Variants in CRAMP1 observed in about 807,000 individuals in gnomAD.
CRAMP1 encodes the protein cramped chromatin regulator 1, also known as protein cramped-like.
In CRAMP1, 50 loss-of-function variants were observed where a neutral mutation model predicts 115.4. The ratio of observed to expected loss-of-function variants is 0.43; its 90% CI spans 0.35 to 0.55. CRAMP1 has a LOEUF of 0.55. Ranked by LOEUF, CRAMP1 falls within the 20% of genes least tolerant of loss-of-function variation. The probability of loss-of-function intolerance (pLI) is 0.01; values close to 1 mark genes in which losing one functional copy is unlikely to be tolerated. For missense variants in CRAMP1, 1,679 were observed against 1,721.7 expected, an observed-to-expected ratio of 0.98 and a Z score of 0.44; for synonymous variants, 866 against 745.4, an observed-to-expected ratio of 1.16 and a Z score of -2.64.
At chr16:1,632,478 C>G (rs933269211) in intron 4 of CRAMP1, 113 bp downstream of exon 4, 12 of 1,111,968 alleles carry the variant, frequency 1.1e-5, no homozygotes, top group African/African-American at 1.6e-5. Context: ...TTCTCACCAG[C>G]CGCTTGGCCT....
At chr16:1,638,004 T>G in intron 5 of CRAMP1, 97 bp downstream of exon 5, 5 of 551,008 alleles carry the variant, frequency 9.1e-6, no homozygotes, top group Non-Finnish European at 1.5e-5. Flanking sequence ...CCCTCTAACT[T>G]TTATCTTGAA....
intron 6 of CRAMP1, among the ~76,000 whole-genome samples, chr16:1,651,742 CAG>C (rs2036725459): frequency 6.8e-6 from 1 of 146,764 alleles, no homozygotes; most frequent in Non-Finnish European, 1.5e-5. Flanking sequence ...TGAGGTCACA[CAG>C]AGGTCATAGA....
At chr16:1,632,725 C>T (rs1169166155) in intron 4 of CRAMP1, among the ~76,000 whole-genome samples, 2 of 152,256 alleles carry the variant, frequency 1.3e-5, no homozygotes, top group African/African-American at 2.4e-5. Flanking sequence ...GGGGCTTGGG[C>T]CGCAGGCACC....
chr16:1,635,144 T>C (rs1156716838), intron 4 of CRAMP1, among the ~76,000 whole-genome samples: 1 of 152,180 alleles, frequency 6.6e-6, no homozygotes, highest in Non-Finnish European at 1.5e-5. Flanking sequence ...GAAATCCACC[T>C]GCCTCGGCCT....
chr16:1,629,792 A>G (rs1276928230), intron 3 of CRAMP1, among the ~76,000 whole-genome samples: 1 of 152,116 alleles, frequency 6.6e-6, no homozygotes, highest in African/African-American at 2.4e-5. Context: ...AAAACAATGA[A>G]CACGTTTTAC....
intron 17 of CRAMP1, 33 bp downstream of exon 17, chr16:1,667,433 A>G: frequency 6.3e-7 from 1 of 1,581,470 alleles, no homozygotes; most frequent in Non-Finnish European, 8.7e-7. Context: ...TGAGCAAAGC[A>G]GCTGCCCCAG....
chr16:1,669,717 A>C lies in CRAMP1; in HGVS notation c.3499+552A>C, dbSNP rs554607942. ...TGGCAGGAAGGGGGTGTATCAGGGA[A>C]AGGCACACCCTGCTGCTGTTGCCTG... is the stretch of plus-strand genomic sequence containing the variant. On this transcript the variant is annotated intron_variant, in intron 19 of 20. Coordinates refer to ENST00000397412, the MANE Select transcript of CRAMP1 (RefSeq NM_020825.4). This position sits in a 1 kb window ranked among gnomAD's most constrained non-coding sequence, Gnocchi z 4.6. 1.3e-3 allele frequency among the ~76,000 whole-genome samples: 200 copies of C among 152,290 alleles called. No homozygotes were observed. The highest frequency in any genetic ancestry group is 4.6e-3 in the African/African-American group (192 of 41,566).
chr16:1,621,373 C>G (rs2036464715), intron 2 of CRAMP1, among the ~76,000 whole-genome samples: 1 of 152,212 alleles, frequency 6.6e-6, no homozygotes, highest in African/African-American at 2.4e-5. Context: ...GTGGCAGGTG[C>G]TAGGGGTTTG....
rs142546777 is a variant in CRAMP1 at position 1,625,905 on chromosome 16, C to T, written c.347-68C>T. On this transcript the variant is annotated intron_variant, in intron 2 of 20. Coordinates refer to ENST00000397412, the MANE Select transcript of CRAMP1 (RefSeq NM_020825.4). ...AGGGCAGTGGGCCCTTCCCTCCCAC[C>T]GGCCCTCTACCCTGCCCAGCCCGCC... The T allele has an allele frequency of 5.3e-4, 780 of 1,465,478 alleles. 13 individuals carry two copies. In the East Asian group the frequency reaches 0.018, roughly 33 times the overall value. The allele number at this position is 1,465,478 out of a possible 1,614,324, so 90.8% of individuals were successfully genotyped here.
At chr16:1,658,412 G>A (rs961336073) in intron 10 of CRAMP1, among the ~76,000 whole-genome samples, 1 of 152,204 alleles carries the variant, frequency 6.6e-6, no homozygotes, top group African/African-American at 2.4e-5. Context: ...CTGTGTTTGG[G>A]TGCCCCAGGG....
In CRAMP1 at chr16:1,662,833, C is replaced by A; in HGVS notation, c.2668C>A (p.Gln890Lys). 1 of 1,613,380 alleles carries A rather than the reference C, an allele frequency of 6.2e-7. No homozygotes were observed. The highest frequency in any genetic ancestry group is 8.5e-7 in the Non-Finnish European group (1 of 1,179,618). The stretch of plus-strand genomic sequence containing the variant: ...GCACCTGCGGAAGCCACTGGTGGTC[C>A]AGGTCAGGGTCTTCTCAAGTCTGAA... ...NRHLRKPLVV[Q>K]RTLLPRPSEN... The change falls in exon 13 of 21, where the codon CAG becomes AAG. Residue 890 changes from glutamine to lysine, a missense_variant and splice_region_variant. By Grantham distance (53) the Gln-to-Lys change is moderately conservative. Transcript: ENST00000397412.
intron 2 of CRAMP1, among the ~76,000 whole-genome samples, chr16:1,617,851 A>G (rs2036433902): frequency 1.3e-5 from 2 of 152,222 alleles, no homozygotes; most frequent in African/African-American, 4.8e-5. Flanking sequence ...AAGCGATGGT[A>G]GCTGGGATTT....
At position 1,668,063 on chromosome 16, in the gene CRAMP1, T is replaced by C. The variant is rs1163451458; in HGVS notation, c.3204T>C (p.Ser1068=). Residue 1068 remains serine, a synonymous_variant, in exon 18 of 21, where the codon TCT becomes TCC. Coordinates refer to ENST00000397412, the MANE Select transcript of CRAMP1 (RefSeq NM_020825.4). ...CAGAGAGCTCCAGCACCCGGCTGTCTCCACCAGACGTCTCTGCTCTGCTCG... is the reference window on the plus strand; with the variant it reads ...CAGAGAGCTCCAGCACCCGGCTGTCCCCACCAGACGTCTCTGCTCTGCTCG... ...SSSESSSTRL[S]PPDVSALLDI... 6.2e-7 allele frequency: 1 copy of C among 1,613,898 alleles called. No individual in the cohort carries two copies. The highest frequency in any genetic ancestry group is 1.7e-5 in the Admixed American group (1 of 60,018).
At chr16:1,662,023 G>A (rs193004796) in intron 11 of CRAMP1, among the ~76,000 whole-genome samples, 2 of 152,166 alleles carry the variant, frequency 1.3e-5, no homozygotes, top group Non-Finnish European at 2.9e-5. Context: ...AGTTTTATTG[G>A]CACACAGCCA....
At chr16:1,628,362 T>A (rs756467391) in intron 3 of CRAMP1, among the ~76,000 whole-genome samples, 51 of 152,220 alleles carry the variant, frequency 3.4e-4, no homozygotes, top group Non-Finnish European at 4.7e-4. Context: ...AAAGCGATTC[T>A]CCTGCTTCAG....
Position 1,656,470 on chromosome 16 carries a change from C to T in CRAMP1, c.1713C>T (p.Leu571=). Residue 571 remains leucine, a synonymous_variant, in exon 10 of 21, where the codon CTC becomes CTT. Coordinates refer to ENST00000397412, the MANE Select transcript of CRAMP1 (RefSeq NM_020825.4). The surrounding 1 kb of genome is among the most constrained non-coding windows in gnomAD (Gnocchi z 5.6). ...LPRYLKSCQD[L]IVPEQCRCAD... ...GCTACCTAAAGTCCTGTCAGGACCT[C>T]ATTGTCCCCGAGCAGTGCCGCTGTG... The T allele has an allele frequency of 1.3e-6, 2 of 1,580,930 alleles. No homozygotes were observed. Among genetic ancestry groups the T allele is most frequent in the East Asian group, 2.3e-5 (1 of 42,734 alleles).
intron 5 of CRAMP1, among the ~76,000 whole-genome samples, chr16:1,639,287 A>C (rs2142184180): frequency 6.6e-6 from 1 of 152,174 alleles, no homozygotes; most frequent in Admixed American, 6.5e-5. Context: ...GGGAAGAATG[A>C]AGCAACAAAA....
intron 2 of CRAMP1, among the ~76,000 whole-genome samples, chr16:1,616,746 T>C (rs183587180): frequency 8.7e-4 from 132 of 152,300 alleles, no homozygotes; most frequent in Middle Eastern, 3.4e-3. Context: ...TTAATATTAA[T>C]AAAATGCAAA....
chr16:1,658,891 C>G (rs2036799341), intron 10 of CRAMP1, among the ~76,000 whole-genome samples: 1 of 152,040 alleles, frequency 6.6e-6, no homozygotes, highest in Non-Finnish European at 1.5e-5. Flanking sequence ...GTGGGGTGTT[C>G]AGGAGAGTGA....
Sources: allele counts gnomAD v4.1 joint callset (sites outside exome capture counted in the v4.1 genomes callset), GRCh38; gene constraint gnomAD v4.1.1; non-coding constraint Gnocchi (gnomAD v3.1); transcripts MANE v1.5; gene names NCBI Gene and HGNC (gene_info 2026-07-23, HGNC 2026-07-21).